The following WWC1 variants were observed in gnomAD, a reference collection of about 807,000 sequenced individuals.
WWC1 encodes protein KIBRA.
Under a neutral mutation model 138.4 loss-of-function variants are expected in WWC1, and 55 were observed. The ratio of observed to expected loss-of-function variants is 0.40; its 90% CI spans 0.32 to 0.50. The LOEUF is 0.50. Ranked by LOEUF, WWC1 falls within the 20% of genes least tolerant of loss-of-function variation. The pLI is 0.72. For missense variants in WWC1, 1,226 were observed against 1,420.4 expected (o/e 0.86, Z 2.20); for synonymous variants, 524 against 564.9 (o/e 0.93, Z 1.03).
chr5:168,330,555 G>A (rs1772943916), intron 1 of WWC1, among the ~76,000 whole-genome samples: 2 of 152,150 alleles, frequency 1.3e-5, no homozygotes, highest in African/African-American at 4.8e-5. Context: ...CACCCACCAT[G>A]TATGCATGGA....
At position 168,398,248 on chromosome 5, in the gene WWC1, C is replaced by T. The variant is rs190796033; in HGVS notation, c.510+448C>T. Among the ~76,000 whole-genome samples the T allele has an allele frequency of 4.9e-3, 740 of 152,152 alleles. 5 individuals carry two copies. Among genetic ancestry groups the T allele is most frequent in the African/African-American group, 0.017 (716 of 41,510 alleles). ...CCTCCCAAGTAGCTGGGACTATAGG[C>T]GCCCGCCACCACACCTGGCTAATTT... On this transcript the variant is annotated intron_variant, in intron 4 of 22. Transcript: ENST00000265293.
At chr5:168,303,541 C>T (rs1340159082) in intron 1 of WWC1, among the ~76,000 whole-genome samples, 1 of 152,098 alleles carries the variant, frequency 6.6e-6, no homozygotes, top group African/African-American at 2.4e-5. Context: ...CTCAAGAGGT[C>T]AAGGCTGCAG....
chr5:168,322,617 T>C (rs1269335230), intron 1 of WWC1, among the ~76,000 whole-genome samples: 1 of 152,236 alleles, frequency 6.6e-6, no homozygotes, highest in African/African-American at 2.4e-5. Context: ...TTAATTTTAA[T>C]AGAAATAGTG....
chr5:168,394,491 C>T (rs910681233), intron 3 of WWC1, among the ~76,000 whole-genome samples: 22 of 152,148 alleles, frequency 1.4e-4, no homozygotes, highest in African/African-American at 4.6e-4. Flanking sequence ...CTTGGGGGGC[C>T]GAGGCGGGTG....
chr5:168,417,825 G>T (rs1780773668), intron 9 of WWC1, among the ~76,000 whole-genome samples: 1 of 152,164 alleles, frequency 6.6e-6, no homozygotes, highest in South Asian at 2.1e-4. Context: ...TGCCCTAAGA[G>T]GAGTCTAAGG....
intron 22 of WWC1, 21 bp downstream of exon 22, chr5:168,467,985 GC>G: frequency 1.2e-6 from 2 of 1,613,650 alleles, no homozygotes; most frequent in Non-Finnish European, 1.7e-6. Flanking sequence ...GGCCCCGGCA[GC>G]CCCCCATCCC....
At chr5:168,439,250 A>T (rs936745906) in intron 15 of WWC1, among the ~76,000 whole-genome samples, 7 of 152,168 alleles carry the variant, frequency 4.6e-5, no homozygotes, top group African/African-American at 1.7e-4. Flanking sequence ...CCTCTTTTTT[A>T]CATGACTATA....
intron 1 of WWC1, among the ~76,000 whole-genome samples, chr5:168,305,132 T>A (rs1190826340): frequency 7.1e-6 from 1 of 140,352 alleles, no homozygotes; most frequent in African/African-American, 3.1e-5. Context: ...CCCAGTATTT[T>A]TTTTTTTTTT....
At chr5:168,354,780 G>T (rs75781305) in intron 1 of WWC1, among the ~76,000 whole-genome samples, 1,761 of 152,276 alleles carry the variant, frequency 0.012, 37 homozygotes, top group African/African-American at 0.04. Flanking sequence ...TTGCTGTGGG[G>T]TGTGTAGAGA....
intron 1 of WWC1, among the ~76,000 whole-genome samples, chr5:168,349,512 A>G (rs964647611): frequency 6.6e-6 from 1 of 152,146 alleles, no homozygotes; most frequent in Non-Finnish European, 1.5e-5. Context: ...CCTCTCCTTC[A>G]GCACAGCCCT....
chr5:168,365,478 C>G (rs1478921884), intron 1 of WWC1, among the ~76,000 whole-genome samples: 2 of 152,196 alleles, frequency 1.3e-5, no homozygotes, highest in African/African-American at 4.8e-5. Flanking sequence ...GAATCACCAC[C>G]CAGTATTAAA....
chr5:168,402,862 CACTTCT>C (rs1779409658), intron 5 of WWC1, among the ~76,000 whole-genome samples: 1 of 152,100 alleles, frequency 6.6e-6, no homozygotes, highest in South Asian at 2.1e-4. Flanking sequence ...GCTATCCAGT[CACTTCT>C]ACTTCTGTGC....
intron 17 of WWC1, among the ~76,000 whole-genome samples, chr5:168,445,267 T>C (rs1241542589): frequency 1.3e-5 from 2 of 151,458 alleles, no homozygotes; most frequent in Admixed American, 6.6e-5. Flanking sequence ...TGAGCCGAGA[T>C]TGCACCACTG....
At chr5:168,402,380 C>G (rs1401280475) in intron 5 of WWC1, among the ~76,000 whole-genome samples, 1 of 152,164 alleles carries the variant, frequency 6.6e-6, no homozygotes, top group African/African-American at 2.4e-5. Flanking sequence ...GACTTAACCC[C>G]TGTGAGCTTT....
rs577742879 is a variant in WWC1, at chr5:168,414,848, A to G, written c.1184+258A>G. On this transcript the variant is annotated intron_variant, in intron 9 of 22. Coordinates refer to ENST00000265293, the MANE Select transcript of WWC1 (RefSeq NM_015238.3). Reference sequence around the variant, plus strand: ...CTTAGGTGCAGGTGTTCAAAAATGTATCTTCTGACTCAATTAAGCCACATA... The same window carrying G: ...CTTAGGTGCAGGTGTTCAAAAATGTGTCTTCTGACTCAATTAAGCCACATA... 6.8e-5 allele frequency: 34 copies of G among 499,762 alleles called. No homozygotes were observed. The Admixed American group carries it at 1.2e-3, about 17-fold the overall frequency. 31.0% of individuals were successfully genotyped at this position (499,762 alleles called of 1,614,324 possible). A position where few individuals can be genotyped will look rare whatever the true frequency, so the allele number is the denominator to read the frequency against.
chr5:168,369,309 A>T (rs1356784676), intron 1 of WWC1, among the ~76,000 whole-genome samples: 1 of 152,232 alleles, frequency 6.6e-6, no homozygotes, highest in Non-Finnish European at 1.5e-5. Flanking sequence ...AGATAAGAAT[A>T]CTGAAGCTCA....
intron 12 of WWC1, 137 bp downstream of exon 12, chr5:168,428,278 C>T: frequency 1.2e-6 from 1 of 806,288 alleles, no homozygotes; most frequent in African/African-American, 1.7e-5. Flanking sequence ...CATGACCCCA[C>T]CTTCCTCTTG....
At chr5:168,441,560 C>T (rs570890559) in intron 15 of WWC1, 122 bp from the exon 16 acceptor site, 14 of 931,872 alleles carry the variant, frequency 1.5e-5, no homozygotes, top group African/African-American at 1.3e-4. Flanking sequence ...CTCTTCCTGC[C>T]GGGATGCCTA....
chr5:168,408,747 G>T (rs1489328788), intron 7 of WWC1, 94 bp downstream of exon 7: 79 of 1,546,968 alleles, frequency 5.1e-5, no homozygotes, highest in Non-Finnish European at 6.3e-5. Flanking sequence ...GCTCACCAGG[G>T]AGCTGGCCAG....
Sources: allele counts gnomAD v4.1 joint callset (sites outside exome capture counted in the v4.1 genomes callset), GRCh38; gene constraint gnomAD v4.1.1; transcripts MANE v1.5; gene names NCBI Gene and HGNC (gene_info 2026-07-23, HGNC 2026-07-21).